Variants in PCDHGA3 observed in about 807,000 individuals in gnomAD.
PCDHGA3 encodes protocadherin gamma subfamily A, 3, also known as protocadherin gamma-A3.
PCDHGA3 carries 40 observed loss-of-function variants against 58.5 expected under a neutral mutation model. The ratio of observed to expected loss-of-function variants is 0.68; its 90% CI spans 0.53 to 0.89. The LOEUF is 0.89. PCDHGA3 is among the 40% of genes least tolerant of loss of function. PCDHGA3 has a pLI of 0.00. For missense variants in PCDHGA3, 1,223 were observed against 1,195.9 expected, an observed-to-expected ratio of 1.02 and a Z score of -0.33; for synonymous variants, 530 against 525.7, an observed-to-expected ratio of 1.01 and a Z score of -0.11.
chr5:141,398,861 A>G, intron 1 of PCDHGA3: 1 of 1,613,990 alleles, frequency 6.2e-7, no homozygotes, highest in South Asian at 1.1e-5. Flanking sequence ...TTCAACCGAG[A>G]CGTGTACAGA....
chr5:141,402,749 G>A (rs768250544), intron 1 of PCDHGA3, among the ~76,000 whole-genome samples: 4 of 152,152 alleles, frequency 2.6e-5, no homozygotes, highest in Non-Finnish European at 5.9e-5. Flanking sequence ...TCAACTCTAA[G>A]CGAAAATCAG....
intron 1 of PCDHGA3, chr5:141,419,863 G>T (rs1416582920): frequency 6.2e-7 from 1 of 1,614,108 alleles, no homozygotes; most frequent in Non-Finnish European, 8.5e-7. Flanking sequence ...CAGATAGCTT[G>T]CAAGAGGTAC....
At chr5:141,382,690 G>C in intron 1 of PCDHGA3, 1 of 448,422 alleles carries the variant, frequency 2.2e-6, no homozygotes, top group Non-Finnish European at 3.9e-6. Context: ...AGGGAAAAAT[G>C]GTGCGAGAGA....
intron 1 of PCDHGA3, among the ~76,000 whole-genome samples, chr5:141,359,645 G>T (rs1457992674): frequency 6.6e-6 from 1 of 151,998 alleles, no homozygotes; most frequent in Non-Finnish European, 1.5e-5. Context: ...TGTAAAGAAG[G>T]AGACAGAATA....
chr5:141,404,350 C>T (rs757103755), intron 1 of PCDHGA3: 1 of 1,613,894 alleles, frequency 6.2e-7, no homozygotes, highest in Non-Finnish European at 8.5e-7. Flanking sequence ...AAAACAACGC[C>T]AGAGGTACTT....
At chr5:141,356,331 A>G in intron 1 of PCDHGA3, 1 of 1,554,420 alleles carries the variant, frequency 6.4e-7, no homozygotes, top group African/African-American at 1.4e-5. Context: ...GTGACTCAGG[A>G]GGAAATGGCC....
In PCDHGA3 at chr5:141,393,591, C is replaced by T. The variant is rs369860953; in HGVS notation, c.2424+47134C>T. On this transcript the variant is annotated intron_variant, in intron 1 of 3. Coordinates refer to ENST00000253812, the MANE Select transcript of PCDHGA3 (RefSeq NM_018916.4). ...CCTTGAGAACATGCCCCCAGGCACG[C>T]GGCTGCTTACTGTAACAGCCAGCGA... The T allele has an allele frequency of 1.8e-5, 29 of 1,613,882 alleles. No homozygotes were observed. The Middle Eastern group carries it at 4.9e-4, about 28-fold the overall frequency.
intron 1 of PCDHGA3, chr5:141,422,658 C>T (rs2096662185): frequency 6.2e-7 from 1 of 1,609,912 alleles, no homozygotes; most frequent in Non-Finnish European, 8.5e-7. Context: ...CAGTGACCGC[C>T]CTCGACCCGG....
Position 141,449,530 on chromosome 5 carries a change from A to G in PCDHGA3, c.2425-45277A>G, listed in dbSNP as rs2098641850. On this transcript the variant is annotated intron_variant, in intron 1 of 3. Transcript: ENST00000253812. ...CTTGAACCTGGGAGGCGGAGGTTGC[A>G]GTGAGCCGAGATCGCACCACTGCAC... Among the ~76,000 whole-genome samples, 4 of 149,684 alleles carry G rather than the reference A, an allele frequency of 2.7e-5. No individual in the cohort carries two copies. The South Asian group carries it at 8.5e-4, about 32-fold the overall frequency.
At position 141,414,686 on chromosome 5, in the gene PCDHGA3, C is replaced by A. The variant is rs201724090; in HGVS notation, c.2424+68229C>A. On this transcript the variant is annotated intron_variant, in intron 1 of 3. Coordinates refer to ENST00000253812, the MANE Select transcript of PCDHGA3 (RefSeq NM_018916.4). ...GCTGAAGACACCATCCAGGGGGTAC[C>A]TCTGTCCTCATACATATCCATCAAC... 57 of 1,613,924 alleles carry A rather than the reference C, an allele frequency of 3.5e-5. No homozygotes were observed. The highest frequency in any genetic ancestry group is 1.6e-4 in the Middle Eastern group (1 of 6,084).
intron 1 of PCDHGA3, chr5:141,478,893 T>G (rs1469313900): frequency 1.8e-6 from 2 of 1,102,894 alleles, no homozygotes; most frequent in Admixed American, 3.1e-5. Flanking sequence ...TCATTTACAT[T>G]AGGAATAAGC....
intron 1 of PCDHGA3, among the ~76,000 whole-genome samples, chr5:141,447,104 A>G (rs1212797996): frequency 2.0e-5 from 3 of 151,958 alleles, no homozygotes; most frequent in African/African-American, 7.3e-5. Flanking sequence ...TCACATGATT[A>G]TATGTGCTCC....
intron 3 of PCDHGA3, among the ~76,000 whole-genome samples, chr5:141,510,538 G>A (rs1423013528): frequency 1.3e-5 from 2 of 152,216 alleles, no homozygotes; most frequent in East Asian, 1.9e-4. Context: ...AAATACCAGC[G>A]AATGTGTTTT....
chr5:141,484,958 G>C (rs2099604320), intron 1 of PCDHGA3: 1 of 575,756 alleles, frequency 1.7e-6, no homozygotes, highest in Non-Finnish European at 3.1e-6. Flanking sequence ...TATTGGCTGA[G>C]CCCGGGAGCC....
intron 1 of PCDHGA3, chr5:141,427,958 G>T: frequency 6.3e-7 from 1 of 1,588,408 alleles, no homozygotes; most frequent in Non-Finnish European, 8.6e-7. Flanking sequence ...ACAATGTGCC[G>T]CGGGTGCTGT....
At chr5:141,423,722 GT>G in intron 1 of PCDHGA3, 1 of 954,176 alleles carries the variant, frequency 1.0e-6, no homozygotes, top group Admixed American at 5.1e-5. Flanking sequence ...TTAAGGAGAT[GT>G]TTTTTGAGCC....
chr5:141,494,752 T>C (rs889400984), intron 1 of PCDHGA3, 55 bp from the exon 2 acceptor site: 18 of 1,612,206 alleles, frequency 1.1e-5, no homozygotes, highest in Non-Finnish European at 1.5e-5. Context: ...GGGGCTCGGG[T>C]GACATTCTAA....
intron 1 of PCDHGA3, chr5:141,414,258 TG>T: frequency 6.2e-7 from 1 of 1,613,492 alleles, no homozygotes; most frequent in Non-Finnish European, 8.5e-7. Flanking sequence ...GTCCAGTGAC[TG>T]AAGATTCACC....
chr5:141,394,276 C>T, intron 1 of PCDHGA3: 2 of 1,613,976 alleles, frequency 1.2e-6, no homozygotes, highest in South Asian at 1.1e-5. Flanking sequence ...GCCCAGGTCA[C>T]TTACTCTGTG....
Sources: gnomAD v4.1 joint callset for allele counts (sites outside exome capture counted in the v4.1 genomes callset) on GRCh38, gnomAD v4.1.1 for gene constraint, MANE v1.5 for transcripts, NCBI Gene and HGNC (gene_info 2026-07-23, HGNC 2026-07-21) for gene names.